ACAD10: variants seen among roughly 807,000 people sequenced by gnomAD.
ACAD10 encodes acyl-CoA dehydrogenase family member 10.
A neutral mutation model predicts 116.8 loss-of-function variants in ACAD10; 112 were observed. The observed-to-expected ratio is 0.96, with a 90% CI of 0.82 to 1.12. The LOEUF is 1.12. Among genes scored for constraint, ACAD10 ranks in the 50% most tolerant of loss-of-function variants. The pLI is 0.00. For synonymous variants in ACAD10, 486 were observed against 510.6 expected (o/e 0.95, Z 0.65); for missense variants, 1,259 against 1,350.2 (o/e 0.93, Z 1.06).
At chr12:111,733,891 G>A (rs1204793809) in intron 10 of ACAD10, 32 bp from the exon 11 acceptor site, 1 of 1,613,644 alleles carries the variant, frequency 6.2e-7, no homozygotes, top group Non-Finnish European at 8.5e-7. Context: ...AGTTTTCTTA[G>A]TGCTGTCTCT....
chr12:111,732,252 A>G (rs1889408195), intron 10 of ACAD10, among the ~76,000 whole-genome samples: 1 of 152,228 alleles, frequency 6.6e-6, no homozygotes, highest in Admixed American at 6.5e-5. Flanking sequence ...AATAAAGTGT[A>G]GTTTGGCCAT....
At chr12:111,710,406 GGTTTTCATC>G (rs1034293951) in intron 5 of ACAD10, 3 of 357,448 alleles carry the variant, frequency 8.4e-6, no homozygotes. Flanking sequence ...TCTATGTTTG[GGTTTTCATC>G]GTCGAGCTGA....
In ACAD10 at chr12:111,753,929, C is replaced by A. The variant is rs759612145; in HGVS notation, c.2961+14C>A. 2.3e-5 allele frequency: 37 copies of A among 1,588,866 alleles called. No individual in the cohort carries two copies. The Middle Eastern group carries it at 6.6e-4, about 28-fold the overall frequency. The stretch of plus-strand genomic sequence containing the variant: ...GCAGGAAACAAGGTAGGGGCAGGGG[C>A]ACGAGGGGGCCTCCCAGAGGCAGAG... On this transcript the variant is annotated intron_variant, in intron 19 of 20. Coordinates refer to ENST00000313698, the MANE Select transcript of ACAD10 (RefSeq NM_025247.6).
At chr12:111,694,072 T>G (rs1392571333) in intron 2 of ACAD10, among the ~76,000 whole-genome samples, 1 of 152,170 alleles carries the variant, frequency 6.6e-6, no homozygotes, top group East Asian at 1.9e-4. Context: ...CCTTTTGACC[T>G]TCTGTGGTGG....
chr12:111,752,157 C>A (rs749754905), intron 18 of ACAD10, among the ~76,000 whole-genome samples: 2 of 150,184 alleles, frequency 1.3e-5, no homozygotes, highest in Admixed American at 1.3e-4. Flanking sequence ...CCTGGGAGGT[C>A]GAGGCTGCAG....
chr12:111,706,890 C>T (rs1434476651), intron 4 of ACAD10, among the ~76,000 whole-genome samples: 1 of 151,268 alleles, frequency 6.6e-6, no homozygotes, highest in South Asian at 2.1e-4. Flanking sequence ...TCTCCTGCCT[C>T]AGCCTCCTGA....
In ACAD10 at chr12:111,746,265, C is replaced by T. The variant is rs767230315; in HGVS notation, c.2237C>T (p.Thr746Met). Residue 746 changes from threonine to methionine, a missense_variant, in exon 14 of 21, where the codon ACG becomes ATG. Physicochemically the swap from Thr to Met is moderately conservative, Grantham distance 81. Transcript: ENST00000313698. The part of the protein sequence containing the change: ...EYAHLCELMG[T>M]SLYAPEVCNC... ...GCACATCTGTGTGAGCTCATGGGCA[C>T]GTCCCTGTATGCCCCCGAGGTACCT... The T allele has an allele frequency of 1.1e-5, 18 of 1,613,034 alleles. No homozygotes were observed. Among genetic ancestry groups the T allele is most frequent in the East Asian group, 4.5e-5 (2 of 44,832 alleles).
chr12:111,723,222 G>A (rs1889083861), intron 8 of ACAD10, among the ~76,000 whole-genome samples: 1 of 141,080 alleles, frequency 7.1e-6, no homozygotes, highest in African/African-American at 2.6e-5. Flanking sequence ...CCCGGACGGG[G>A]CGGCTGGCCG....
chr12:111,698,222 T>A (rs1888244930), intron 2 of ACAD10, among the ~76,000 whole-genome samples: 1 of 151,460 alleles, frequency 6.6e-6, no homozygotes, highest in Non-Finnish European at 1.5e-5. Flanking sequence ...GGTCTTGAAC[T>A]CCTGACCTGA....
intron 12 of ACAD10, among the ~76,000 whole-genome samples, chr12:111,743,369 G>GTTT (rs869257828): frequency 2.2e-5 from 3 of 136,426 alleles, no homozygotes; most frequent in Admixed American, 7.5e-5. Flanking sequence ...GAAATATTCT[G>GTTT]TTTTTTTTTT....
At chr12:111,697,067 C>T (rs897878323) in intron 2 of ACAD10, among the ~76,000 whole-genome samples, 8 of 143,976 alleles carry the variant, frequency 5.6e-5, no homozygotes, top group South Asian at 2.2e-4. Context: ...GGCGATACAG[C>T]GAGACTCCGT....
intron 1 of ACAD10, among the ~76,000 whole-genome samples, chr12:111,689,520 C>T (rs1313891879): frequency 3.3e-5 from 5 of 151,694 alleles, no homozygotes; most frequent in African/African-American, 7.3e-5. Flanking sequence ...TACAGGTGTG[C>T]GCCACCACGC....
chr12:111,699,527 A>G (rs796107781), intron 2 of ACAD10, among the ~76,000 whole-genome samples: 15 of 152,062 alleles, frequency 9.9e-5, no homozygotes, highest in African/African-American at 3.6e-4. Flanking sequence ...AGACTGTTCC[A>G]TAGCTTTTTT....
chr12:111,730,606 T>G (rs1206315031), intron 10 of ACAD10, among the ~76,000 whole-genome samples: 1 of 151,662 alleles, frequency 6.6e-6, no homozygotes, highest in African/African-American at 2.4e-5. Flanking sequence ...GGGTAGTGTT[T>G]ATAGTGTTTT....
In ACAD10 at chr12:111,715,879, G is replaced by T. The variant is rs775170783; in HGVS notation, c.909G>T (p.Arg303Ser). Reference protein sequence around the residue: ...HGQSNPTYYIRLANRDLVLRK... With the variant: ...HGQSNPTYYISLANRDLVLRK... ...AGTCAAATCCAACTTACTACATCAGGCTGGCTAATCGTGATCTAGTTCTGA... is the reference window on the plus strand; with the variant it reads ...AGTCAAATCCAACTTACTACATCAGTCTGGCTAATCGTGATCTAGTTCTGA... Residue 303 changes from arginine (R) to serine (S), a missense_variant, in exon 7 of 21, where the codon AGG becomes AGT. Coordinates refer to ENST00000313698, the MANE Select transcript of ACAD10 (RefSeq NM_025247.6). The T allele has an allele frequency of 5.0e-6, 8 of 1,614,002 alleles. No homozygotes were observed. In the East Asian group the frequency reaches 1.8e-4, roughly 36 times the overall value.
At chr12:111,716,026 A>T in intron 7 of ACAD10, 64 bp downstream of exon 7, 1 of 1,596,592 alleles carries the variant, frequency 6.3e-7, no homozygotes, top group Non-Finnish European at 8.5e-7. Context: ...GCTCAGCCCT[A>T]AACTGAAAAG....
rs1424577023 is a variant in ACAD10 at position 111,731,029 on chromosome 12, G to A, written c.1394+1073G>A. Among the ~76,000 whole-genome samples the A allele has an allele frequency of 4.6e-5, 7 of 152,210 alleles. No homozygotes were observed. In the South Asian group the frequency reaches 1.4e-3, roughly 32 times the overall value. ...TGGTCTCAAACTCCTGCCCTCAAGT[G>A]ATCTGCCCACTTTGGCCTCCCAGAG... On this transcript the variant is annotated intron_variant, in intron 10 of 20. Transcript: ENST00000313698.
chr12:111,721,552 A>C, intron 7 of ACAD10, 119 bp from the exon 8 acceptor site: 1 of 899,334 alleles, frequency 1.1e-6, no homozygotes, highest in South Asian at 1.7e-5. Context: ...TGGGTAACAG[A>C]GCGAGACTGT....
At chr12:111,750,581 G>A (rs910035296) in intron 18 of ACAD10, among the ~76,000 whole-genome samples, 7 of 152,034 alleles carry the variant, frequency 4.6e-5, no homozygotes, top group African/African-American at 1.7e-4. Context: ...GTGAGACCCT[G>A]TCTCTTTAAA....
Sources: gnomAD v4.1 joint callset for allele counts (sites outside exome capture counted in the v4.1 genomes callset) on GRCh38, gnomAD v4.1.1 for gene constraint, MANE v1.5 for transcripts, NCBI Gene and HGNC (gene_info 2026-07-23, HGNC 2026-07-21) for gene names.